The following RBFOX3 variants were observed in gnomAD, a reference collection of about 807,000 sequenced individuals.
RBFOX3 encodes RNA binding fox-1 homolog 3, also known as RNA binding protein fox-1 homolog 3.
RBFOX3 carries 17 observed loss-of-function variants against 48.7 expected under a neutral mutation model. The observed-to-expected ratio is 0.35, with a 90% CI of 0.24 to 0.52. The LOEUF is 0.52. Among genes scored for constraint, RBFOX3 ranks in the 20% least tolerant of loss-of-function variants. The probability of loss-of-function intolerance (pLI) is 0.94; values close to 1 mark genes in which losing one functional copy is unlikely to be tolerated. For synonymous variants in RBFOX3, 212 were observed against 209.5 expected (o/e 1.01, Z -0.10); for missense variants, 382 against 497.5 (o/e 0.77, Z 2.21).
At chr17:79,145,203 C>A (rs1476367237) in intron 4 of RBFOX3, among the ~76,000 whole-genome samples, 2 of 152,168 alleles carry the variant, frequency 1.3e-5, no homozygotes, top group Non-Finnish European at 2.9e-5. Flanking sequence ...TCAGCCAGGA[C>A]CCCCAACACA....
At chr17:79,100,765 C>G (rs1599417025) in intron 9 of RBFOX3, among the ~76,000 whole-genome samples, 2 of 152,226 alleles carry the variant, frequency 1.3e-5, no homozygotes, top group South Asian at 4.1e-4. Flanking sequence ...AAGCAGGCCC[C>G]TTGCCGGATG....
chr17:79,578,570 C>T (rs1235843533), intron 1 of RBFOX3, among the ~76,000 whole-genome samples: 3 of 152,240 alleles, frequency 2.0e-5, no homozygotes, highest in East Asian at 1.9e-4. Flanking sequence ...TCCTGAGACC[C>T]GCTCCGGGCC....
At chr17:79,112,907 G>GGCA (rs1483833899) in intron 5 of RBFOX3, among the ~76,000 whole-genome samples, 6 of 71,392 alleles carry the variant, frequency 8.4e-5, no homozygotes, top group African/African-American at 2.7e-4. Flanking sequence ...AGGCTCTCGG[G>GGCA]GGGGGGGTGG....
intron 1 of RBFOX3, among the ~76,000 whole-genome samples, chr17:79,589,742 CAA>C (rs1322160530): frequency 6.6e-6 from 1 of 152,070 alleles, no homozygotes; most frequent in Non-Finnish European, 1.5e-5. Context: ...ACCCTCCACA[CAA>C]CCCAATACCC....
At chr17:79,396,320 G>A (rs966956253) in intron 2 of RBFOX3, among the ~76,000 whole-genome samples, 21 of 152,152 alleles carry the variant, frequency 1.4e-4, no homozygotes, top group Non-Finnish European at 2.4e-4. Context: ...GTGTCTGTGC[G>A]TCTGAGATGC....
At chr17:79,625,065 A>T in the RBFOX3 span, among the ~76,000 whole-genome samples, 5 of 152,002 alleles carry the variant, frequency 3.3e-5, no homozygotes, top group Admixed American at 6.5e-5. Flanking sequence ...TGACATGCAG[A>T]TATGCCCGTG....
chr17:79,102,530 A>G (rs1210234519), intron 8 of RBFOX3, among the ~76,000 whole-genome samples: 1 of 152,222 alleles, frequency 6.6e-6, no homozygotes, highest in East Asian at 1.9e-4. Flanking sequence ...CCCAGGCCGC[A>G]GCAAGGGAAC....
At chr17:79,160,676 ATTT>A (rs954148679) in intron 4 of RBFOX3, among the ~76,000 whole-genome samples, 11 of 151,530 alleles carry the variant, frequency 7.3e-5, no homozygotes, top group African/African-American at 2.4e-4. Context: ...TCATTCATTC[ATTT>A]TTTTCTTAAT....
chr17:79,320,349 C>G (rs947849483), intron 2 of RBFOX3, among the ~76,000 whole-genome samples: 2 of 152,196 alleles, frequency 1.3e-5, no homozygotes, highest in Admixed American at 6.5e-5. Flanking sequence ...TGCTGGCAGC[C>G]TCTGCCAGAG....
At chr17:79,415,199 C>T (rs552606239) in intron 2 of RBFOX3, among the ~76,000 whole-genome samples, 12 of 152,312 alleles carry the variant, frequency 7.9e-5, no homozygotes, top group South Asian at 6.2e-4. Flanking sequence ...TGGGCCGAGG[C>T]CCAGCAATAC....
intron 4 of RBFOX3, among the ~76,000 whole-genome samples, chr17:79,127,891 C>T (rs1455043321): frequency 3.9e-5 from 6 of 152,196 alleles, no homozygotes; most frequent in Non-Finnish European, 7.3e-5. Flanking sequence ...AAATGGGCAC[C>T]GGAGAGGCTG....
At chr17:79,452,111 A>G (rs2073628038) in intron 2 of RBFOX3, among the ~76,000 whole-genome samples, 2 of 152,196 alleles carry the variant, frequency 1.3e-5, no homozygotes, top group South Asian at 4.1e-4. Flanking sequence ...AGGAGAAGGA[A>G]GTTGCTGGAA....
At chr17:79,368,543 C>T (rs2058098794) in intron 2 of RBFOX3, among the ~76,000 whole-genome samples, 1 of 152,240 alleles carries the variant, frequency 6.6e-6, no homozygotes, top group African/African-American at 2.4e-5. Context: ...GGTCTCAGTT[C>T]CTCTGCAGGA....
At chr17:79,117,996 G>A (rs960976070) in intron 4 of RBFOX3, among the ~76,000 whole-genome samples, 4 of 152,128 alleles carry the variant, frequency 2.6e-5, no homozygotes, top group African/African-American at 9.7e-5. Context: ...TTCTGTTTAT[G>A]GCCCCAAACC....
chr17:79,437,923 C>G (rs1436371684), intron 2 of RBFOX3, among the ~76,000 whole-genome samples: 2 of 148,374 alleles, frequency 1.3e-5, no homozygotes, highest in African/African-American at 4.8e-5. Flanking sequence ...CATGTACATG[C>G]ACACGCATTC....
At chr17:79,413,711 C>A (rs1184187751) in intron 2 of RBFOX3, among the ~76,000 whole-genome samples, 1 of 152,138 alleles carries the variant, frequency 6.6e-6, no homozygotes, top group African/African-American at 2.4e-5. Context: ...GAAGGCAGCC[C>A]GAGGAGCAGC....
chr17:79,454,365 G>A (rs1384226508), intron 2 of RBFOX3, among the ~76,000 whole-genome samples: 1 of 152,136 alleles, frequency 6.6e-6, no homozygotes, highest in Non-Finnish European at 1.5e-5. Flanking sequence ...TCTGTCTGCT[G>A]TATCCCTGCC....
At chr17:79,245,919 CCCAGCAGA>C (rs2063108854) in intron 3 of RBFOX3, among the ~76,000 whole-genome samples, 1 of 152,128 alleles carries the variant, frequency 6.6e-6, no homozygotes, top group Admixed American at 6.5e-5. Flanking sequence ...AGCCACCACG[CCCAGCAGA>C]ACATTTTGGA....
rs1191547124 is a variant in RBFOX3 at position 79,126,993 on chromosome 17, G to A, written c.-33-11245C>T. Among the ~76,000 whole-genome samples the A allele has an allele frequency of 5.9e-5, 9 of 152,176 alleles. No homozygotes were observed. In the East Asian group the frequency reaches 1.5e-3, roughly 26 times the overall value. The stretch of plus-strand genomic sequence containing the variant: ...AGAATCCACCTCTCTAGTATGTTTG[G>A]CTTGGGTGAAGCCTCCAGTTTCCTG... On this transcript the variant is annotated intron_variant, in intron 4 of 14. Coordinates refer to ENST00000693108, the MANE Select transcript of RBFOX3 (RefSeq NM_001350451.2).
Sources: gnomAD v4.1 joint callset for allele counts (sites outside exome capture counted in the v4.1 genomes callset) on GRCh38, gnomAD v4.1.1 for gene constraint, MANE v1.5 for transcripts, NCBI Gene and HGNC (gene_info 2026-07-23, HGNC 2026-07-21) for gene names.